Variants in COL11A1 observed in about 807,000 individuals in gnomAD.
COL11A1 encodes collagen type XI alpha 1 chain.
In COL11A1, 74 loss-of-function variants were observed where a neutral mutation model predicts 265.2. That is an observed-to-expected ratio of 0.28 (90% confidence interval 0.23 to 0.34). COL11A1 has a LOEUF of 0.34. Among genes scored for constraint, COL11A1 ranks in the 10% least tolerant of loss-of-function variants. COL11A1 has a pLI of 1.00. For missense variants in COL11A1, 2,165 were observed against 2,263.6 expected, an observed-to-expected ratio of 0.96 and a Z score of 0.88; for synonymous variants, 816 against 727.6, an observed-to-expected ratio of 1.12 and a Z score of -1.96.
intron 4 of COL11A1, among the ~76,000 whole-genome samples, chr1:103,067,883 A>G (rs1461561116): frequency 6.6e-6 from 1 of 151,738 alleles, no homozygotes; most frequent in African/African-American, 2.4e-5. Context: ...ATAAAACTTA[A>G]CATGATCAAC....
intron 4 of COL11A1, among the ~76,000 whole-genome samples, chr1:103,066,248 A>AT (rs1671137493): frequency 1.3e-5 from 2 of 151,978 alleles, no homozygotes; most frequent in South Asian, 4.1e-4. Flanking sequence ...ATAAAATTAT[A>AT]TTTTTATCTT....
intron 2 of COL11A1, among the ~76,000 whole-genome samples, chr1:103,079,837 T>A (rs1330986024): frequency 6.6e-6 from 1 of 151,946 alleles, no homozygotes; most frequent in Non-Finnish European, 1.5e-5. Context: ...CCTTCCTTTT[T>A]CAATCCATTC....
chr1:102,937,462 A>G lies in COL11A1; in HGVS notation c.3438+1573T>C, dbSNP rs181745115. Among the ~76,000 whole-genome samples the G allele has an allele frequency of 3.8e-3, 573 of 152,304 alleles. 9 individuals carry two copies. Among genetic ancestry groups the G allele is most frequent in the Admixed American group, 6.6e-3 (101 of 15,294 alleles). ...ATATGGTTTGTCCCCACTAAAACTC[A>G]TGTTGAAATTTAATTCCCAGTGTTG... On this transcript the variant is annotated intron_variant, in intron 44 of 66. Coordinates refer to ENST00000370096, the MANE Select transcript of COL11A1 (RefSeq NM_001854.4).
chr1:103,102,371 C>T (rs1674344947), intron 1 of COL11A1, among the ~76,000 whole-genome samples: 1 of 152,028 alleles, frequency 6.6e-6, no homozygotes, highest in African/African-American at 2.4e-5. Flanking sequence ...AGTGAAAGAA[C>T]TTAGGGAACA....
At position 103,004,671 on chromosome 1, in the gene COL11A1, C is replaced by A; in HGVS notation, c.1846-10G>T. 1 of 1,606,110 alleles carries A rather than the reference C, an allele frequency of 6.2e-7. No individual in the cohort carries two copies. The highest frequency in any genetic ancestry group is 8.5e-7 in the Non-Finnish European group (1 of 1,175,184). On this transcript the variant is annotated splice_polypyrimidine_tract_variant and intron_variant, in intron 18 of 66. Transcript: ENST00000370096. ...GAGGACCTCGTTCACCCTGTTAAAT[C>A]AATACAAATAAGATTAGCATATGGA...
Position 103,053,668 on chromosome 1 carries a change from T to C in COL11A1, c.651+20950A>G, listed in dbSNP as rs768376596. Among the ~76,000 whole-genome samples the C allele has an allele frequency of 1.4e-3, 211 of 152,288 alleles. 1 individual carries two copies. The highest frequency in any genetic ancestry group is 1.1e-3 in the Non-Finnish European group (73 of 68,012). On this transcript the variant is annotated intron_variant, in intron 4 of 66. Transcript: ENST00000370096. ...CTCTCAAAAAAGAATTACATCAAAG[T>C]TGTGGCTCTGTCTACTCTTATACAA...
intron 57 of COL11A1, among the ~76,000 whole-genome samples, chr1:102,892,153 G>A (rs757739889): frequency 2.6e-5 from 4 of 152,050 alleles, no homozygotes; most frequent in Non-Finnish European, 5.9e-5. Flanking sequence ...AAAGCAAACT[G>A]TTCATATGGT....
Position 103,006,135 on chromosome 1 carries a change from C to G in COL11A1, c.1738-14G>C, listed in dbSNP as rs1284318844. On this transcript the variant is annotated splice_polypyrimidine_tract_variant and intron_variant, in intron 16 of 66. Transcript: ENST00000370096. ...ACCTGGACGACCCTAATAATGCCAA[C>G]AGCATGATTAAGCGAAGTGACTTTT... 8.1e-6 allele frequency: 13 copies of G among 1,608,428 alleles called. No homozygotes were observed. Among genetic ancestry groups the G allele is most frequent in the Non-Finnish European group, 1.0e-5 (12 of 1,176,752 alleles).
intron 35 of COL11A1, among the ~76,000 whole-genome samples, chr1:102,975,464 T>C (rs1662379062): frequency 6.6e-6 from 1 of 152,108 alleles, no homozygotes; most frequent in South Asian, 2.1e-4. Flanking sequence ...TAAATTTCTT[T>C]TGTAGATAAG....
intron 41 of COL11A1, among the ~76,000 whole-genome samples, chr1:102,955,624 C>G: frequency 6.6e-6 from 1 of 151,986 alleles, no homozygotes; most frequent in East Asian, 1.9e-4. Flanking sequence ...TGTTCTCTAC[C>G]ATAAAGAATA....
chr1:103,095,747 G>A (rs1673704484), intron 1 of COL11A1, among the ~76,000 whole-genome samples: 1 of 151,478 alleles, frequency 6.6e-6, no homozygotes, highest in African/African-American at 2.4e-5. Flanking sequence ...AGAAAATATT[G>A]TTCAGTTTGG....
At position 103,023,918 on chromosome 1, in the gene COL11A1, T is replaced by C. The variant is rs548864504; in HGVS notation, c.991-922A>G. ...GACAATGAAATATAAAATATCACTGTACAATTCTCAAGAAGAGTAAGGAAT... is the reference window on the plus strand; with the variant it reads ...GACAATGAAATATAAAATATCACTGCACAATTCTCAAGAAGAGTAAGGAAT... On this transcript the variant is annotated intron_variant, in intron 7 of 66. Transcript: ENST00000370096. Among the ~76,000 whole-genome samples, 4 of 152,264 alleles carry C rather than the reference T, an allele frequency of 2.6e-5. No individual in the cohort carries two copies. In the East Asian group the frequency reaches 5.8e-4, roughly 22 times the overall value.
At chr1:102,895,840 ACT>A (rs1249374506) in intron 57 of COL11A1, among the ~76,000 whole-genome samples, 2 of 149,708 alleles carry the variant, frequency 1.3e-5, no homozygotes, top group African/African-American at 4.9e-5. Flanking sequence ...ACATGTTAAC[ACT>A]CTAACTTTTC....
chr1:102,970,364 T>G (rs544399809), intron 36 of COL11A1, 92 bp from the exon 37 acceptor site: 1 of 936,914 alleles, frequency 1.1e-6, no homozygotes, highest in African/African-American at 1.7e-5. Context: ...CTTTTCTTTT[T>G]ATATTTCCAT....
Position 103,014,558 on chromosome 1 carries a change from T to C in COL11A1, c.1525A>G (p.Ile509Val). 3 of 1,613,792 alleles carry C rather than the reference T, an allele frequency of 1.9e-6. No homozygotes were observed. The highest frequency in any genetic ancestry group is 2.5e-6 in the Non-Finnish European group (3 of 1,179,780). The part of the protein sequence containing the change: ...YGGDGSKGPT[I>V]SAQEAQAQAI... Reference sequence around the variant, plus strand: ...TGAGCCTGAGCTTCCTGAGCAGAGATGGTTGGTCCTTTGGAACCATCACCA... The same window carrying C: ...TGAGCCTGAGCTTCCTGAGCAGAGACGGTTGGTCCTTTGGAACCATCACCA... The change falls in exon 13 of 67, where the codon ATC (isoleucine) becomes GTC (valine). Residue 509 changes from isoleucine (I) to valine (V), a missense_variant. Ile to Val is a conservative substitution (Grantham distance 29, BLOSUM62 3). Coordinates refer to ENST00000370096, the MANE Select transcript of COL11A1 (RefSeq NM_001854.4).
chr1:102,996,090 T>C, intron 26 of COL11A1, 48 bp from the exon 27 acceptor site: 1 of 1,565,156 alleles, frequency 6.4e-7, no homozygotes, highest in Non-Finnish European at 8.8e-7. Flanking sequence ...TTGAAAGTGC[T>C]ACTCATTTAC....
At chr1:102,919,920 T>C (rs1230752176) in intron 49 of COL11A1, among the ~76,000 whole-genome samples, 4 of 152,018 alleles carry the variant, frequency 2.6e-5, no homozygotes, top group East Asian at 1.9e-4. Context: ...ACCAATCTCT[T>C]CTATTTTGAG....
At chr1:103,066,931 T>C (rs555147144) in intron 4 of COL11A1, among the ~76,000 whole-genome samples, 3 of 152,058 alleles carry the variant, frequency 2.0e-5, no homozygotes, top group South Asian at 4.1e-4. Flanking sequence ...CAAAAAATAC[T>C]AGTGGAGATA....
At chr1:103,048,857 C>A (rs1445871351) in intron 4 of COL11A1, among the ~76,000 whole-genome samples, 1 of 152,052 alleles carries the variant, frequency 6.6e-6, no homozygotes, top group East Asian at 1.9e-4. Flanking sequence ...TCGTTATGTA[C>A]CCAGTAGTGA....
Sources: gnomAD v4.1 joint callset for allele counts (sites outside exome capture counted in the v4.1 genomes callset) on GRCh38, gnomAD v4.1.1 for gene constraint, MANE v1.5 for transcripts, NCBI Gene and HGNC (gene_info 2026-07-23, HGNC 2026-07-21) for gene names.